Variants in DAPK1 observed in about 807,000 individuals in gnomAD.
DAPK1 encodes death associated protein kinase 1.
Under a neutral mutation model 144.9 loss-of-function variants are expected in DAPK1, and 56 were observed. The ratio of observed to expected loss-of-function variants is 0.39; its 90% confidence interval spans 0.31 to 0.48. The LOEUF (loss-of-function observed/expected upper bound fraction) is 0.48, where lower values mean the gene tolerates loss of function less well. Ranked by LOEUF, DAPK1 falls within the 20% of genes least tolerant of loss-of-function variation. The probability of loss-of-function intolerance (pLI) is 0.95; values close to 1 mark genes in which losing one functional copy is unlikely to be tolerated. For missense variants in DAPK1, 1,454 were observed against 1,875.4 expected (o/e 0.78, Z 4.15); for synonymous variants, 690 against 749.0 (o/e 0.92, Z 1.29).
chr9:87,675,540 C>A (rs1380605092), intron 19 of DAPK1, among the ~76,000 whole-genome samples: 3 of 152,084 alleles, frequency 2.0e-5, no homozygotes, highest in African/African-American at 7.2e-5. Flanking sequence ...GGCGGCACAG[C>A]TCTATAGACC....
At chr9:87,518,105 G>GTT (rs1178414186) in intron 2 of DAPK1, among the ~76,000 whole-genome samples, 94 of 35,608 alleles carry the variant, frequency 2.6e-3, no homozygotes, top group East Asian at 6.6e-3. Flanking sequence ...TTATGTTGTT[G>GTT]TTTTTTTTTT....
chr9:87,613,000 C>T (rs7047988), intron 3 of DAPK1, among the ~76,000 whole-genome samples: 31,042 of 152,126 alleles, frequency 0.2, 3,428 homozygotes, highest in East Asian at 0.4. Flanking sequence ...TTTGGTTCTC[C>T]AATCCTAAAT....
Position 87,514,897 on chromosome 9 carries a change from T to G in DAPK1, c.62+15758T>G, listed in dbSNP as rs189119701. ...TTGTCTATACCATAGAAATTGAATG[T>G]CTGCAATGGGAGTTGCTGGTTTCTC... On this transcript the variant is annotated intron_variant, in intron 2 of 25. Coordinates refer to ENST00000408954, the MANE Select transcript of DAPK1 (RefSeq NM_004938.4). 6.6e-5 allele frequency among the ~76,000 whole-genome samples: 10 copies of G among 152,314 alleles called. No homozygotes were observed. The East Asian group carries it at 1.7e-3, about 26-fold the overall frequency.
intron 2 of DAPK1, among the ~76,000 whole-genome samples, chr9:87,500,291 A>G (rs1211234117): frequency 3.9e-5 from 6 of 152,226 alleles, no homozygotes; most frequent in Non-Finnish European, 7.3e-5. Flanking sequence ...GCCTGTGCTT[A>G]GGAAGAGCTC....
intron 2 of DAPK1, among the ~76,000 whole-genome samples, chr9:87,576,347 A>G (rs3128521): frequency 0.24 from 36,012 of 152,130 alleles, 4,925 homozygotes; most frequent in Non-Finnish European, 0.32. Flanking sequence ...GGACTCCTAT[A>G]TTTGCTCTTA....
intron 3 of DAPK1, among the ~76,000 whole-genome samples, chr9:87,608,352 C>G (rs1828807414): frequency 6.6e-6 from 1 of 152,148 alleles, no homozygotes; most frequent in African/African-American, 2.4e-5. Context: ...AGTAGTATTT[C>G]ATTGTATGGA....
chr9:87,659,531 G>A (rs779818211), intron 18 of DAPK1, among the ~76,000 whole-genome samples: 3 of 152,244 alleles, frequency 2.0e-5, no homozygotes, highest in Non-Finnish European at 4.4e-5. Flanking sequence ...GAAGATGCCA[G>A]CAGCTGACGC....
chr9:87,521,917 T>G (rs916483477), intron 2 of DAPK1, among the ~76,000 whole-genome samples: 4 of 152,220 alleles, frequency 2.6e-5, no homozygotes, highest in Non-Finnish European at 4.4e-5. Context: ...AATGGATTAA[T>G]GCGTTATCGT....
At chr9:87,590,369 C>CAAAA (rs200588801) in intron 2 of DAPK1, among the ~76,000 whole-genome samples, 8 of 85,518 alleles carry the variant, frequency 9.4e-5, no homozygotes, top group Middle Eastern at 7.4e-3. Flanking sequence ...TCATTGGCCT[C>CAAAA]AAAAAAAAAA....
chr9:87,596,283 T>C (rs908189086), intron 2 of DAPK1, among the ~76,000 whole-genome samples: 5 of 152,210 alleles, frequency 3.3e-5, no homozygotes, highest in African/African-American at 1.2e-4. Context: ...GCACTGGGCA[T>C]TCACACCAGG....
intron 2 of DAPK1, chr9:87,499,360 A>G (rs1824312856): frequency 5.4e-6 from 3 of 551,026 alleles, no homozygotes; most frequent in African/African-American, 1.9e-5. Flanking sequence ...ATTATGATGC[A>G]CAGTATATTG....
chr9:87,600,376 C>T (rs1203386620), intron 2 of DAPK1, among the ~76,000 whole-genome samples: 1 of 152,024 alleles, frequency 6.6e-6, no homozygotes, highest in East Asian at 1.9e-4. Flanking sequence ...GCTTTGAGCC[C>T]AGGAGTTCTA....
rs1826583413 is a variant in DAPK1 at position 87,553,586 on chromosome 9, C to T, written c.63-51368C>T. On this transcript the variant is annotated intron_variant, in intron 2 of 25. Transcript: ENST00000408954. ...TCTCGGCTCACTGCAACCTCCACCT[C>T]CCAGGTTTAAGTGATTCTCCTGCCT... 8.6e-5 allele frequency: 13 copies of T among 151,090 alleles called. 1 individual carries two copies. The highest frequency in any genetic ancestry group is 7.9e-4 in the Admixed American group (12 of 15,122). The allele number at this position is 151,090 out of a possible 1,614,324, so 9.4% of individuals were successfully genotyped here.
In DAPK1 at chr9:87,681,459, C is replaced by T. The variant is rs1486837390; in HGVS notation, c.2057C>T (p.Pro686Leu). ...QQLRPTQNLQPRIKLKLFGHS... is the reference protein window; with the variant it reads ...QQLRPTQNLQLRIKLKLFGHS... ...CTCCGACCCACACAGAACCTGCAGC[C>T]AAGAATTAAGCTCAAGCTGTTTGGC... Residue 686 changes from proline to leucine, a missense_variant, in exon 20 of 26, where the codon CCA becomes CTA. Physicochemically the swap from Pro to Leu is moderately conservative, Grantham distance 98 (BLOSUM62 -3). Coordinates refer to ENST00000408954, the MANE Select transcript of DAPK1 (RefSeq NM_004938.4). 2.5e-6 allele frequency: 4 copies of T among 1,613,576 alleles called. No individual in the cohort carries two copies. In the African/African-American group the frequency reaches 5.3e-5, roughly 22 times the overall value.
intron 19 of DAPK1, among the ~76,000 whole-genome samples, chr9:87,669,769 G>C (rs1008571183): frequency 1.3e-5 from 2 of 151,776 alleles, no homozygotes; most frequent in Admixed American, 6.6e-5. Flanking sequence ...GGGGCAGGGG[G>C]GGGCCACAGA....
chr9:87,578,378 A>G (rs111491101), intron 2 of DAPK1, among the ~76,000 whole-genome samples: 4 of 152,372 alleles, frequency 2.6e-5, no homozygotes, highest in African/African-American at 9.6e-5. Flanking sequence ...TAGATTTATC[A>G]TAATTAGCTC....
intron 2 of DAPK1, among the ~76,000 whole-genome samples, chr9:87,539,992 G>A (rs1825986593): frequency 1.3e-5 from 2 of 151,880 alleles, no homozygotes; most frequent in Admixed American, 6.6e-5. Context: ...AAAAGAAGCC[G>A]TCAAGTGCTT....
At chr9:87,654,243 C>A (rs951044853) in intron 17 of DAPK1, among the ~76,000 whole-genome samples, 2 of 152,116 alleles carry the variant, frequency 1.3e-5, no homozygotes, top group Non-Finnish European at 2.9e-5. Context: ...ATTGCAGATT[C>A]CTGTGATTTT....
intron 2 of DAPK1, among the ~76,000 whole-genome samples, chr9:87,600,992 A>C (rs999023659): frequency 3.3e-5 from 5 of 152,180 alleles, no homozygotes; most frequent in Non-Finnish European, 5.9e-5. Flanking sequence ...AATCCTCACC[A>C]GAAAAGTAAA....
Sources: gnomAD v4.1 joint callset for allele counts (sites outside exome capture counted in the v4.1 genomes callset) on GRCh38, gnomAD v4.1.1 for gene constraint, MANE v1.5 for transcripts, NCBI Gene and HGNC (gene_info 2026-07-23, HGNC 2026-07-21) for gene names.